The following ADAMTS20 variants were observed in gnomAD, a reference collection of about 807,000 sequenced individuals.
ADAMTS20 encodes the protein ADAM metallopeptidase with thrombospondin type 1 motif 20, also known as A disintegrin and metalloproteinase with thrombospondin motifs 20.
In ADAMTS20, 225 loss-of-function variants were observed where a neutral mutation model predicts 260.1. That is an observed-to-expected ratio of 0.87 (90% confidence interval 0.78 to 0.97). The LOEUF (loss-of-function observed/expected upper bound fraction) is 0.97, where lower values mean the gene tolerates loss of function less well. ADAMTS20 is among the 50% of genes least tolerant of loss of function. The pLI, the probability that ADAMTS20 is intolerant of heterozygous loss-of-function variation, is 0.00. For synonymous variants in ADAMTS20, 802 were observed against 769.5 expected (o/e 1.04, Z -0.70); for missense variants, 2,400 against 2,337.7 (o/e 1.03, Z -0.55).
chr12:43,374,363 T>C (rs908952492), intron 36 of ADAMTS20, among the ~76,000 whole-genome samples: 7 of 152,208 alleles, frequency 4.6e-5, no homozygotes, highest in Admixed American at 1.3e-4. Flanking sequence ...GATGATTCAA[T>C]GGCAATTGAG....
At position 43,541,894 on chromosome 12, in the gene ADAMTS20, C is replaced by T. The variant is rs544385015; in HGVS notation, c.453+9015G>A. ...TGAAACAATAAAAGGGAAATAAATA[C>T]GTTGCTGGTACCTTACCTTTTTAAA... is the stretch of plus-strand genomic sequence containing the variant. On this transcript the variant is annotated intron_variant, in intron 2 of 38. Coordinates refer to ENST00000389420, the MANE Select transcript of ADAMTS20 (RefSeq NM_025003.5). Among the ~76,000 whole-genome samples, 6 of 152,230 alleles carry T rather than the reference C, an allele frequency of 3.9e-5. No individual in the cohort carries two copies. The East Asian group carries it at 9.6e-4, about 24-fold the overall frequency.
chr12:43,430,245 G>A, intron 23 of ADAMTS20, 107 bp downstream of exon 23: 1 of 1,321,826 alleles, frequency 7.6e-7, no homozygotes, highest in Non-Finnish European at 1.0e-6. Flanking sequence ...ACGTGTTTAA[G>A]GCATACAAGT....
intron 8 of ADAMTS20, among the ~76,000 whole-genome samples, chr12:43,467,965 A>G (rs796148154): frequency 7.2e-5 from 11 of 152,222 alleles, no homozygotes; most frequent in African/African-American, 2.6e-4. Context: ...ATCTTTTTTC[A>G]GAGGATACAT....
In ADAMTS20 at chr12:43,462,901, A is replaced by T. The variant is rs1184404661; in HGVS notation, c.1608T>A (p.Pro536=). 1 of 1,602,582 alleles carries T rather than the reference A, an allele frequency of 6.2e-7. No individual in the cohort carries two copies. The highest frequency in any genetic ancestry group is 1.3e-5 in the African/African-American group (1 of 74,852). The change falls in exon 11 of 39, where the codon CCT becomes CCA. Residue 536 remains proline (P), a synonymous_variant. Coordinates refer to ENST00000389420, the MANE Select transcript of ADAMTS20 (RefSeq NM_025003.5). ...VPPADGTDCG[P]GMHCRHGLCV... is the part of the protein sequence containing the mutation. ...ACCCTTCAAGAAAACCTACCATTCC[A>T]GGACCGCAGTCTGTTCCATCTGCTG...
At chr12:43,394,876 A>G (rs941254771) in intron 29 of ADAMTS20, among the ~76,000 whole-genome samples, 4 of 152,280 alleles carry the variant, frequency 2.6e-5, no homozygotes, top group Admixed American at 1.3e-4. Flanking sequence ...TCATCTGTCT[A>G]ATGAACGTAA....
At chr12:43,524,417 A>G (rs1943113358) in intron 3 of ADAMTS20, among the ~76,000 whole-genome samples, 1 of 152,268 alleles carries the variant, frequency 6.6e-6, no homozygotes, top group African/African-American at 2.4e-5. Flanking sequence ...AGAAGGAACC[A>G]GAAAAATAAT....
intron 3 of ADAMTS20, among the ~76,000 whole-genome samples, chr12:43,505,558 G>T (rs1036554611): frequency 2.0e-5 from 3 of 152,068 alleles, no homozygotes; most frequent in Admixed American, 6.5e-5. Context: ...AATCATTAAA[G>T]AAATGCAAAT....
At chr12:43,520,625 T>C (rs1039133169) in intron 3 of ADAMTS20, among the ~76,000 whole-genome samples, 4 of 152,176 alleles carry the variant, frequency 2.6e-5, no homozygotes, top group Non-Finnish European at 5.9e-5. Context: ...TAAGTGATCT[T>C]TGAAAGAGTA....
In ADAMTS20 at chr12:43,466,467, G is replaced by A. The variant is rs1428038926; in HGVS notation, c.1367+185C>T. ...TTTTAAAGAGTGAAATTATATACAT[G>A]TATATATATATATATGTACACATGA... On this transcript the variant is annotated intron_variant, in intron 9 of 38. Coordinates refer to ENST00000389420, the MANE Select transcript of ADAMTS20 (RefSeq NM_025003.5). 2.7e-5 allele frequency among the ~76,000 whole-genome samples: 4 copies of A among 149,218 alleles called. No individual in the cohort carries two copies. In the South Asian group the frequency reaches 8.5e-4, roughly 32 times the overall value.
chr12:43,404,680 G>A (rs759253650), intron 28 of ADAMTS20, among the ~76,000 whole-genome samples: 9 of 151,996 alleles, frequency 5.9e-5, no homozygotes, highest in Non-Finnish European at 1.2e-4. Flanking sequence ...CTAAACTTTA[G>A]TTAAACTTCT....
chr12:43,427,530 G>T, intron 26 of ADAMTS20, 61 bp from the exon 27 acceptor site: 3 of 1,404,508 alleles, frequency 2.1e-6, no homozygotes, highest in South Asian at 1.6e-5. Context: ...GAATTTACAT[G>T]GTAAAAAAAA....
Position 43,493,241 on chromosome 12 carries a change from A to C in ADAMTS20, c.880T>G (p.Tyr294Asp), listed in dbSNP as rs1368719625. 2.6e-6 allele frequency: 4 copies of C among 1,552,484 alleles called. No individual in the cohort carries two copies. Among genetic ancestry groups the C allele is most frequent in the Admixed American group, 2.0e-5 (1 of 50,308 alleles). Residue 294 changes from tyrosine (Y) to aspartate (D), a missense_variant, in exon 5 of 39, where the codon TAC becomes GAC. Tyr to Asp is a radical substitution (Grantham distance 160). Coordinates refer to ENST00000389420, the MANE Select transcript of ADAMTS20 (RefSeq NM_025003.5). ...AAATTTCCAATACTTGGATCTTTGT[A>C]GATTGTTGCAACCTGCATGTAAAAA... ...LTLMSIVATI[Y>D]KDPSIGNLIH...
chr12:43,441,976 A>G (rs773251246), intron 16 of ADAMTS20, among the ~76,000 whole-genome samples: 8 of 152,208 alleles, frequency 5.3e-5, no homozygotes, highest in Non-Finnish European at 1.2e-4. Flanking sequence ...TATGACATAG[A>G]CATTCCTCTA....
intron 3 of ADAMTS20, among the ~76,000 whole-genome samples, chr12:43,512,207 A>C (rs1470124925): frequency 1.3e-5 from 2 of 150,036 alleles, no homozygotes; most frequent in East Asian, 1.9e-4. Flanking sequence ...TGATAATAAT[A>C]ATCATAATTT....
intron 15 of ADAMTS20, among the ~76,000 whole-genome samples, chr12:43,445,712 CATGGTGGTGA>C (rs1941747974): frequency 1.3e-5 from 2 of 150,970 alleles, no homozygotes; most frequent in Non-Finnish European, 2.9e-5. Flanking sequence ...ATTAGATGGG[CATGGTGGTGA>C]ACACCTGTAG....
intron 29 of ADAMTS20, among the ~76,000 whole-genome samples, chr12:43,398,282 G>A (rs955643588): frequency 6.6e-6 from 1 of 152,114 alleles, no homozygotes; most frequent in Non-Finnish European, 1.5e-5. Context: ...GGTGGTGTTT[G>A]ACAGTCATTT....
rs146031146 is a variant in ADAMTS20, at chr12:43,485,858, C to T, written c.1117+4537G>A. Among the ~76,000 whole-genome samples the T allele has an allele frequency of 6.8e-3, 1,032 of 152,138 alleles. 11 individuals are homozygous for T. The highest frequency in any genetic ancestry group is 0.024 in the African/African-American group (988 of 41,536). The stretch of plus-strand genomic sequence containing the variant: ...ATAAAATAAAATACCTAGGAATACA[C>T]TTAACCAAGGAGGTGGAAAATCGCA... On this transcript the variant is annotated intron_variant, in intron 7 of 38. Transcript: ENST00000389420.
At chr12:43,431,542 C>T (rs1369827420) in intron 21 of ADAMTS20, 46 bp from the exon 22 acceptor site, 1 of 1,592,504 alleles carries the variant, frequency 6.3e-7, no homozygotes, top group Non-Finnish European at 8.6e-7. Flanking sequence ...CATTAGTCAA[C>T]ACAAATGCCT....
chr12:43,397,493 G>A (rs923922941), intron 29 of ADAMTS20, among the ~76,000 whole-genome samples: 1 of 152,140 alleles, frequency 6.6e-6, no homozygotes, highest in African/African-American at 2.4e-5. Context: ...AAACTAGACC[G>A]GGGTGTGTGC....
Sources: gnomAD v4.1 joint callset for allele counts (sites outside exome capture counted in the v4.1 genomes callset) on GRCh38, gnomAD v4.1.1 for gene constraint, MANE v1.5 for transcripts, NCBI Gene and HGNC (gene_info 2026-07-23, HGNC 2026-07-21) for gene names.